The following ART3 variants were observed in gnomAD, a reference collection of about 807,000 sequenced individuals.
ART3 encodes the protein ADP-ribosyltransferase 3 (inactive), also known as ecto-ADP-ribosyltransferase 3.
Under a neutral mutation model 48.5 loss-of-function variants are expected in ART3, and 49 were observed. The observed-to-expected ratio is 1.01, with a 90% CI of 0.80 to 1.28. The LOEUF is 1.28. Among genes scored for constraint, ART3 ranks in the 50% most tolerant of loss-of-function variants. ART3 has a pLI of 0.00. For synonymous variants in ART3, 145 were observed against 157.2 expected (o/e 0.92, Z 0.58); for missense variants, 438 against 454.3 (o/e 0.96, Z 0.33).
intron 1 of ART3, among the ~76,000 whole-genome samples, chr4:76,055,640 G>A (rs2149468014): frequency 6.6e-6 from 1 of 152,296 alleles, no homozygotes; most frequent in Non-Finnish European, 1.5e-5. Flanking sequence ...AAGAAGATTA[G>A]AGCAGAAGAC....
intron 1 of ART3, among the ~76,000 whole-genome samples, chr4:76,017,448 A>G (rs1732372308): frequency 6.6e-6 from 1 of 151,860 alleles, no homozygotes; most frequent in South Asian, 2.1e-4. Context: ...CTCGTATCCA[A>G]GTTTCAAGAC....
At chr4:76,079,503 T>C (rs930633414) in intron 2 of ART3, among the ~76,000 whole-genome samples, 2 of 152,102 alleles carry the variant, frequency 1.3e-5, no homozygotes, top group African/African-American at 4.8e-5. Flanking sequence ...ACAGGATAGA[T>C]CAGATATATT....
chr4:76,073,401 ATAT>A (rs1328429428), upstream of ART3, among the ~76,000 whole-genome samples: 3 of 152,142 alleles, frequency 2.0e-5, no homozygotes, highest in Non-Finnish European at 4.4e-5. Context: ...TTAAAAAATC[ATAT>A]TATTTCTGGG....
At chr4:76,088,706 T>C (rs1437786118) in intron 3 of ART3, among the ~76,000 whole-genome samples, 2 of 152,122 alleles carry the variant, frequency 1.3e-5, no homozygotes, top group East Asian at 1.9e-4. Context: ...CTAGGCCTAA[T>C]AGGAAGTGAC....
intron 4 of ART3, 39 bp downstream of exon 4, chr4:76,097,715 T>A (rs760681239): frequency 6.6e-7 from 1 of 1,522,416 alleles, no homozygotes; most frequent in South Asian, 1.1e-5. Flanking sequence ...TAATAGGAAT[T>A]TTATCAGTTA....
At chr4:76,095,944 CAG>C (rs1409775686) in intron 3 of ART3, among the ~76,000 whole-genome samples, 2 of 151,660 alleles carry the variant, frequency 1.3e-5, no homozygotes, top group Non-Finnish European at 2.9e-5. Context: ...TCTTTTGAGA[CAG>C]AGTTTTGCTC....
intron 2 of ART3, among the ~76,000 whole-genome samples, chr4:76,080,532 A>T (rs1284741739): frequency 6.6e-6 from 1 of 151,878 alleles, no homozygotes; most frequent in Admixed American, 6.6e-5. Context: ...ATTTTTTGAG[A>T]TGGAGTTTTG....
chr4:76,035,335 G>A (rs745673708), intron 1 of ART3: 25 of 1,613,758 alleles, frequency 1.5e-5, no homozygotes, highest in Non-Finnish European at 2.0e-5. Context: ...TTTTGAACAT[G>A]GGGAAGCCTA....
intron 1 of ART3, among the ~76,000 whole-genome samples, chr4:76,039,560 TATA>T (rs1043905060): frequency 2.0e-4 from 30 of 152,158 alleles, no homozygotes; most frequent in African/African-American, 7.0e-4. Flanking sequence ...TATTTTAAAT[TATA>T]ATAACCATGA....
chr4:76,060,898 G>A (rs566164373), intron 1 of ART3, among the ~76,000 whole-genome samples: 12 of 152,304 alleles, frequency 7.9e-5, no homozygotes, highest in African/African-American at 2.6e-4. Context: ...TCAAGAAACT[G>A]CATTCTGCTA....
In ART3 at chr4:76,112,718, T is replaced by C. The variant is rs1383300919; in HGVS notation, c.*199T>C. The C allele has an allele frequency of 2.1e-6, 1 of 469,454 alleles. No individual in the cohort carries two copies. Among genetic ancestry groups the C allele is most frequent in the Admixed American group, 4.1e-5 (1 of 24,644 alleles). The allele number at this position is 469,454 out of a possible 1,614,324, so 29.1% of individuals were successfully genotyped here. A position where few individuals can be genotyped will look rare whatever the true frequency, so the allele number is the denominator to read the frequency against. On this transcript the variant is annotated 3_prime_UTR_variant, in exon 12 of 12. Transcript: ENST00000355810. ...ACAGAACTTTTCACTTGTATACTAC[T>C]CTTACAATGGAAAAAAATCCCGAAA...
At chr4:76,075,186 GA>G (rs1172173910) in intron 1 of ART3, 1 of 152,192 alleles carries the variant, frequency 6.6e-6, no homozygotes, top group Non-Finnish European at 1.5e-5. Flanking sequence ...ATACTGGGAT[GA>G]ATATTAGGCA....
At chr4:76,034,840 T>G in intron 1 of ART3, 1 of 1,553,078 alleles carries the variant, frequency 6.4e-7, no homozygotes, top group Non-Finnish European at 8.9e-7. Context: ...ACAAGAGTTT[T>G]ATTTACTTGG....
At chr4:76,112,181 T>G (rs1021866829) in intron 11 of ART3, among the ~76,000 whole-genome samples, 2 of 152,246 alleles carry the variant, frequency 1.3e-5, no homozygotes, top group African/African-American at 2.4e-5. Context: ...AACACCCGTA[T>G]TAAGGGTCAA....
chr4:76,071,475 A>G (rs978528319), upstream of ART3, among the ~76,000 whole-genome samples: 1 of 152,192 alleles, frequency 6.6e-6, no homozygotes, highest in Admixed American at 6.5e-5. Context: ...AAACTCCTTG[A>G]AAGAGTTGAA....
At chr4:76,065,326 G>T (rs544197257) in intron 1 of ART3, among the ~76,000 whole-genome samples, 1 of 152,058 alleles carries the variant, frequency 6.6e-6, no homozygotes, top group East Asian at 1.9e-4. Flanking sequence ...ACAATAATTG[G>T]TGTTCATTCA....
At chr4:76,099,962 TC>T (rs1726902304) in intron 5 of ART3, among the ~76,000 whole-genome samples, 1 of 152,252 alleles carries the variant, frequency 6.6e-6, no homozygotes, top group African/African-American at 2.4e-5. Flanking sequence ...TTTTTATTGT[TC>T]CGTTGCAGTC....
chr4:76,056,211 C>G (rs1259799346), intron 1 of ART3, among the ~76,000 whole-genome samples: 1 of 152,222 alleles, frequency 6.6e-6, no homozygotes, highest in African/African-American at 2.4e-5. Flanking sequence ...TAGGTGTTAT[C>G]TCTCTGCTCA....
intron 1 of ART3, chr4:76,012,264 C>T (rs1731873120): frequency 6.6e-6 from 1 of 152,140 alleles, no homozygotes; most frequent in Non-Finnish European, 1.5e-5. Context: ...TCCCTTTTTA[C>T]TTGTGAGAGG....
Sources: gnomAD v4.1 joint callset for allele counts (sites outside exome capture counted in the v4.1 genomes callset) on GRCh38, gnomAD v4.1.1 for gene constraint, MANE v1.5 for transcripts, NCBI Gene and HGNC (gene_info 2026-07-23, HGNC 2026-07-21) for gene names.